CSMD1: variants seen among roughly 807,000 people sequenced by gnomAD.
The protein encoded by CSMD1 is CUB and sushi domain-containing protein 1.
A neutral mutation model predicts 417.5 loss-of-function variants in CSMD1; 213 were observed. The ratio of observed to expected loss-of-function variants is 0.51; its 90% confidence interval spans 0.46 to 0.57. The LOEUF is 0.57. Among genes scored for constraint, CSMD1 ranks in the 20% least tolerant of loss-of-function variants. The probability of loss-of-function intolerance (pLI) is 0.00; values close to 1 mark genes in which losing one functional copy is unlikely to be tolerated. For missense variants in CSMD1, 6,923 were observed against 4,529.7 expected (o/e 1.53, Z -15.17); for synonymous variants, 2,862 against 1,736.8 (o/e 1.65, Z -16.11).
intron 5 of CSMD1, among the ~76,000 whole-genome samples, chr8:3,904,702 T>C (rs1276858149): frequency 1.3e-5 from 2 of 150,786 alleles, no homozygotes; most frequent in African/African-American, 4.9e-5. Context: ...AGTGGTGCTA[T>C]CTCAGCTCAC....
chr8:4,690,298 A>G (rs1182549057), intron 1 of CSMD1, among the ~76,000 whole-genome samples: 1 of 152,210 alleles, frequency 6.6e-6, no homozygotes, highest in South Asian at 2.1e-4. Context: ...CTAACAGTTT[A>G]GTGACTAATT....
chr8:3,281,763 C>T (rs1273881794), intron 26 of CSMD1, among the ~76,000 whole-genome samples: 1 of 152,126 alleles, frequency 6.6e-6, no homozygotes, highest in Non-Finnish European at 1.5e-5. Flanking sequence ...TGCATTTTTC[C>T]AAACTCATTG....
At chr8:4,897,226 T>C (rs1172845484) in intron 1 of CSMD1, among the ~76,000 whole-genome samples, 1 of 152,100 alleles carries the variant, frequency 6.6e-6, no homozygotes, top group Non-Finnish European at 1.5e-5. Context: ...ACGTCTGTTT[T>C]GTTTCTACTG....
chr8:4,714,746 A>T (rs1037800637), intron 1 of CSMD1, among the ~76,000 whole-genome samples: 2 of 152,230 alleles, frequency 1.3e-5, no homozygotes, highest in African/African-American at 4.8e-5. Context: ...TGCCACTTAA[A>T]TTTTGCTGAA....
intron 1 of CSMD1, among the ~76,000 whole-genome samples, chr8:4,863,425 G>C (rs1802247537): frequency 1.3e-5 from 2 of 152,008 alleles, no homozygotes; most frequent in Admixed American, 6.5e-5. Context: ...AGACTCAATA[G>C]ACCAGAGCAT....
chr8:3,569,012 T>G (rs1042750424), intron 10 of CSMD1, among the ~76,000 whole-genome samples: 10 of 152,296 alleles, frequency 6.6e-5, no homozygotes, highest in Middle Eastern at 6.8e-3. Context: ...TCAAGAGTTC[T>G]GAAAATAGCT....
At chr8:4,524,138 C>T (rs753502755) in intron 2 of CSMD1, among the ~76,000 whole-genome samples, 13 of 151,858 alleles carry the variant, frequency 8.6e-5, no homozygotes, top group Non-Finnish European at 1.8e-4. Flanking sequence ...AAAGGAAATC[C>T]AGACCTATGC....
At chr8:3,455,432 T>C (rs1816050659) in intron 12 of CSMD1, among the ~76,000 whole-genome samples, 1 of 152,206 alleles carries the variant, frequency 6.6e-6, no homozygotes, top group African/African-American at 2.4e-5. Flanking sequence ...TTTTTCCCCA[T>C]CTTTGTGGTT....
At chr8:4,073,239 A>T (rs1265822696) in intron 3 of CSMD1, among the ~76,000 whole-genome samples, 3 of 152,198 alleles carry the variant, frequency 2.0e-5, no homozygotes, top group African/African-American at 7.2e-5. Context: ...CAATAGGTGC[A>T]TTAAATGATG....
At chr8:4,348,141 C>T (rs1269445275) in intron 3 of CSMD1, among the ~76,000 whole-genome samples, 1 of 152,088 alleles carries the variant, frequency 6.6e-6, no homozygotes, top group African/African-American at 2.4e-5. Context: ...AGAGAGAAGA[C>T]CTTTTCGGTT....
rs1335749662 is a variant in CSMD1 at position 3,125,788 on chromosome 8, C to A, written c.6242-7201G>T. On this transcript the variant is annotated intron_variant, in intron 41 of 69. Transcript: ENST00000635120. ...GATCAGGAGTTTGAAACCAGCCTGG[C>A]CAACATGGTGAAATCCTATCTCTAC... 4.6e-5 allele frequency among the ~76,000 whole-genome samples: 7 copies of A among 152,100 alleles called. No homozygotes were observed. The East Asian group carries it at 7.7e-4, about 17-fold the overall frequency.
At chr8:3,916,475 T>A (rs1324281972) in intron 5 of CSMD1, among the ~76,000 whole-genome samples, 1 of 152,134 alleles carries the variant, frequency 6.6e-6, no homozygotes, top group Non-Finnish European at 1.5e-5. Flanking sequence ...TAAAGGCTTG[T>A]TAGCTTGAAA....
At chr8:4,492,414 A>G (rs1154093) in intron 2 of CSMD1, among the ~76,000 whole-genome samples, 2,670 of 152,294 alleles carry the variant, frequency 0.018, 75 homozygotes, top group African/African-American at 0.061. Flanking sequence ...TGGAAAAGGC[A>G]AAACTACGGA....
intron 17 of CSMD1, 128 bp downstream of exon 17, chr8:3,396,066 G>T: frequency 1.4e-6 from 1 of 737,928 alleles, no homozygotes; most frequent in Non-Finnish European, 2.2e-6. Flanking sequence ...TGCATAGTAT[G>T]GTTTTGCTAG....
rs188769737 is a variant in CSMD1 at position 2,969,335 on chromosome 8, A to T, written c.8924-2589T>A. Among the ~76,000 whole-genome samples the T allele has an allele frequency of 4.1e-3, 625 of 152,282 alleles. 5 individuals carry two copies. Among genetic ancestry groups the T allele is most frequent in the African/African-American group, 0.012 (505 of 41,572 alleles). The stretch of plus-strand genomic sequence containing the variant: ...AAGAGAATTAAGAGTTCCCTAATAC[A>T]GCTGAAACTAAATATTTTAGTTATG... On this transcript the variant is annotated intron_variant, in intron 57 of 69. Transcript: ENST00000635120.
intron 3 of CSMD1, among the ~76,000 whole-genome samples, chr8:4,134,303 T>C (rs2680593): frequency 6.6e-6 from 1 of 151,992 alleles, no homozygotes; most frequent in Non-Finnish European, 1.5e-5. Context: ...AGCCTTTAGG[T>C]TGGTGATTAA....
intron 2 of CSMD1, among the ~76,000 whole-genome samples, chr8:4,509,290 G>A (rs762244570): frequency 5.9e-5 from 9 of 152,040 alleles, no homozygotes; most frequent in Non-Finnish European, 1.0e-4. Context: ...AAATGAGTCA[G>A]GAGATTGGAA....
chr8:3,037,654 T>C (rs1046409399), intron 50 of CSMD1, among the ~76,000 whole-genome samples: 2 of 152,188 alleles, frequency 1.3e-5, no homozygotes, highest in Admixed American at 1.3e-4. Context: ...GGATATGGGA[T>C]TCTTAAGGAC....
chr8:4,278,916 A>G (rs533047433), intron 3 of CSMD1, among the ~76,000 whole-genome samples: 1 of 152,334 alleles, frequency 6.6e-6, no homozygotes, highest in African/African-American at 2.4e-5. Flanking sequence ...TGAAAGTAAC[A>G]AGCCTCATTT....
Sources: gnomAD v4.1 joint callset for allele counts (sites outside exome capture counted in the v4.1 genomes callset) on GRCh38, gnomAD v4.1.1 for gene constraint, MANE v1.5 for transcripts, NCBI Gene and HGNC (gene_info 2026-07-23, HGNC 2026-07-21) for gene names.